Variants in XRN1 observed in about 807,000 individuals in gnomAD.
The protein encoded by XRN1 is strand-exchange protein 1 homolog.
Under a neutral mutation model 222.3 loss-of-function variants are expected in XRN1, and 67 were observed. The observed-to-expected ratio is 0.30, with a 90% CI of 0.25 to 0.37. XRN1 has a LOEUF of 0.37. Among genes scored for constraint, XRN1 ranks in the 10% least tolerant of loss-of-function variants. XRN1 has a pLI of 1.00. For missense variants in XRN1, 1,707 were observed against 2,000.2 expected, an observed-to-expected ratio of 0.85 and a Z score of 2.80; for synonymous variants, 643 against 652.4, an observed-to-expected ratio of 0.99 and a Z score of 0.22.
chr3:142,368,366 C>G (rs544722541), intron 27 of XRN1, among the ~76,000 whole-genome samples: 9 of 152,302 alleles, frequency 5.9e-5, no homozygotes, highest in Non-Finnish European at 8.8e-5. Context: ...CCAGGCTGGT[C>G]TCGAACTCCT....
Position 142,447,853 on chromosome 3 carries a change from G to A in XRN1, c.75+17C>T, listed in dbSNP as rs2070598327. On this transcript the variant is annotated intron_variant, in intron 1 of 40. Coordinates refer to ENST00000392981, the MANE Select transcript of XRN1 (RefSeq NM_001282857.2). This position sits in a 1 kb window ranked among gnomAD's most constrained non-coding sequence, Gnocchi z 4.2. ...CGGGTCCTCGGCTTTCTGAGCCGTTGCCCCTCGCTCACCCACCTGATGCTC... is the reference window on the plus strand; with the variant it reads ...CGGGTCCTCGGCTTTCTGAGCCGTTACCCCTCGCTCACCCACCTGATGCTC... 1 of 1,612,784 alleles carries A rather than the reference G, an allele frequency of 6.2e-7. No homozygotes were observed. The highest frequency in any genetic ancestry group is 8.5e-7 in the Non-Finnish European group (1 of 1,179,720).
At chr3:142,404,790 G>T in intron 16 of XRN1, 117 bp downstream of exon 16, 2 of 951,088 alleles carry the variant, frequency 2.1e-6, no homozygotes, top group Non-Finnish European at 3.2e-6. Flanking sequence ...GACTATAACT[G>T]TCATAAACTA....
intron 20 of XRN1, 113 bp from the exon 21 acceptor site, chr3:142,384,798 C>G: frequency 2.4e-6 from 2 of 834,066 alleles, no homozygotes; most frequent in Non-Finnish European, 3.6e-6. Flanking sequence ...TGTAAATAAA[C>G]TTTAAATAAA....
rs960662619 is a variant in XRN1, at chr3:142,307,547, TA to T, written c.*3963del. 5.9e-5 allele frequency: 9 copies of T among 152,170 alleles called. No homozygotes were observed. Among genetic ancestry groups the T allele is most frequent in the African/African-American group, 2.2e-4 (9 of 41,460 alleles). 9.4% of individuals were successfully genotyped at this position (152,170 alleles called of 1,614,324 possible). ...ACAGATAGTTGACATTTTGGACTAC[TA>T]AAACTATTTTATACATGTTTTTCTT... On this transcript the variant is annotated 3_prime_UTR_variant, in exon 41 of 41. Transcript: ENST00000392981.
chr3:142,401,668 A>G (rs2068138635), intron 18 of XRN1, among the ~76,000 whole-genome samples: 1 of 152,058 alleles, frequency 6.6e-6, no homozygotes, highest in African/African-American at 2.4e-5. Flanking sequence ...GACCCAAGAT[A>G]GCGCCACTGC....
Position 142,406,443 on chromosome 3 carries a change from C to T in XRN1, c.1714-1367G>A, listed in dbSNP as rs1438739458. On this transcript the variant is annotated intron_variant, in intron 15 of 40. Transcript: ENST00000392981. ...AAAAGCTTCTTGACACTGCTCTTGGCAATAATTTTTTGGATATGACTGCTG... is the reference window on the plus strand; with the variant it reads ...AAAAGCTTCTTGACACTGCTCTTGGTAATAATTTTTTGGATATGACTGCTG... 2.6e-5 allele frequency among the ~76,000 whole-genome samples: 4 copies of T among 152,136 alleles called. No homozygotes were observed. The East Asian group carries it at 7.7e-4, about 29-fold the overall frequency.
intron 1 of XRN1, among the ~76,000 whole-genome samples, chr3:142,444,883 T>A (rs893618571): frequency 1.3e-4 from 20 of 152,196 alleles, no homozygotes; most frequent in Admixed American, 5.9e-4. Flanking sequence ...TTCACTTTTT[T>A]AAAAAATACT....
chr3:142,411,822 ATTT>A (rs1291888583), intron 15 of XRN1, among the ~76,000 whole-genome samples: 5 of 138,536 alleles, frequency 3.6e-5, no homozygotes, highest in African/African-American at 8.0e-5. Flanking sequence ...CTTACTGAAA[ATTT>A]TTTTTTTTTT....
At chr3:142,317,220 A>G (rs182888073) in intron 39 of XRN1, among the ~76,000 whole-genome samples, 7 of 152,262 alleles carry the variant, frequency 4.6e-5, no homozygotes, top group Admixed American at 4.6e-4. Context: ...TTAGAGATGC[A>G]TATCGTTTTG....
chr3:142,419,202 A>G (rs1236132667), intron 10 of XRN1, among the ~76,000 whole-genome samples: 2 of 152,142 alleles, frequency 1.3e-5, no homozygotes. Flanking sequence ...TTAGCTGCAT[A>G]TGGCTGGAAG....
intron 20 of XRN1, among the ~76,000 whole-genome samples, chr3:142,392,727 T>A (rs566667330): frequency 1.3e-4 from 19 of 151,978 alleles, no homozygotes; most frequent in African/African-American, 4.6e-4. Context: ...TCTATCATTG[T>A]TGGACATTTG....
intron 37 of XRN1, 142 bp downstream of exon 37, chr3:142,329,292 G>T: frequency 2.0e-6 from 1 of 491,492 alleles, no homozygotes; most frequent in Non-Finnish European, 3.3e-6. Context: ...ATTAGAGCTA[G>T]GGTAAGAAGC....
At chr3:142,442,796 C>T (rs973122762) in intron 1 of XRN1, among the ~76,000 whole-genome samples, 3 of 152,152 alleles carry the variant, frequency 2.0e-5, no homozygotes, top group South Asian at 4.1e-4. Flanking sequence ...TGCAGTGGCG[C>T]GATCTCACCT....
At chr3:142,426,939 AAT>A in intron 2 of XRN1, 98 bp from the exon 3 acceptor site, 1 of 833,896 alleles carries the variant, frequency 1.2e-6, no homozygotes, top group Non-Finnish European at 1.9e-6. Context: ...CTAAAATAGT[AAT>A]TCACCAGTTT....
At chr3:142,331,926 C>T (rs1005542479) in intron 36 of XRN1, among the ~76,000 whole-genome samples, 1 of 152,100 alleles carries the variant, frequency 6.6e-6, no homozygotes, top group Non-Finnish European at 1.5e-5. Flanking sequence ...AGGCACACGC[C>T]ACCACACCTA....
At chr3:142,322,218 T>C (rs1392574221) in intron 37 of XRN1, among the ~76,000 whole-genome samples, 1 of 152,146 alleles carries the variant, frequency 6.6e-6, no homozygotes, top group Non-Finnish European at 1.5e-5. Context: ...CATAATTATA[T>C]ATGCATATAT....
intron 15 of XRN1, among the ~76,000 whole-genome samples, chr3:142,410,706 G>C (rs1462310155): frequency 1.3e-5 from 2 of 151,906 alleles, no homozygotes; most frequent in Non-Finnish European, 2.9e-5. Flanking sequence ...TTGTTAGCCA[G>C]GACAGTCTTG....
chr3:142,341,963 A>C (rs1178850810), intron 33 of XRN1, among the ~76,000 whole-genome samples: 2 of 152,232 alleles, frequency 1.3e-5, no homozygotes, highest in Admixed American at 6.5e-5. Context: ...AAAGAAAGAG[A>C]TAAATCCAAA....
Position 142,364,455 on chromosome 3 carries a change from C to A in XRN1, c.3394+592G>T, listed in dbSNP as rs545508046. On this transcript the variant is annotated intron_variant, in intron 29 of 40. Transcript: ENST00000392981. ...CCCCTTCTCTGATTTTTTTTTTCACCATCTTAGCCACTTTTAAGCGTATGG... is the reference window on the plus strand; with the variant it reads ...CCCCTTCTCTGATTTTTTTTTTCACAATCTTAGCCACTTTTAAGCGTATGG... Among the ~76,000 whole-genome samples, 9 of 151,760 alleles carry A rather than the reference C, an allele frequency of 5.9e-5. 1 individual carries two copies. In the East Asian group the frequency reaches 1.7e-3, roughly 29 times the overall value.
Sources: gnomAD v4.1 joint callset for allele counts (sites outside exome capture counted in the v4.1 genomes callset) on GRCh38, gnomAD v4.1.1 for gene constraint, Gnocchi (gnomAD v3.1) non-coding constraint, MANE v1.5 for transcripts, NCBI Gene and HGNC (gene_info 2026-07-23, HGNC 2026-07-21) for gene names.